The following RPTOR variants were observed in gnomAD, a reference collection of about 807,000 sequenced individuals.
RPTOR encodes regulatory associated protein of MTOR complex 1, also known as regulatory-associated protein of mTOR.
Under a neutral mutation model 169.9 loss-of-function variants are expected in RPTOR, and 21 were observed. That is an observed-to-expected ratio of 0.12 (90% CI 0.09 to 0.18). The LOEUF is 0.18. RPTOR is among the 10% of genes least tolerant of loss of function. RPTOR has a pLI of 1.00. For synonymous variants in RPTOR, 732 were observed against 753.2 expected, an observed-to-expected ratio of 0.97 and a Z score of 0.46; for missense variants, 1,133 against 1,855.9, an observed-to-expected ratio of 0.61 and a Z score of 7.16.
At chr17:80,940,951 G>A (rs908237) in intron 25 of RPTOR, among the ~76,000 whole-genome samples, 34,278 of 152,156 alleles carry the variant, frequency 0.23, 3,997 homozygotes, top group African/African-American at 0.26. Flanking sequence ...TCATGGAGGC[G>A]GAACTTTGCA....
intron 1 of RPTOR, among the ~76,000 whole-genome samples, chr17:80,594,604 T>C (rs1022428236): frequency 6.6e-6 from 1 of 152,234 alleles, no homozygotes; most frequent in Non-Finnish European, 1.5e-5. Context: ...TCAGAACATA[T>C]GTGCTCTGTG....
chr17:80,887,449 G>T, intron 17 of RPTOR, among the ~76,000 whole-genome samples: 1 of 152,130 alleles, frequency 6.6e-6, no homozygotes, highest in East Asian at 1.9e-4. Context: ...ATCACAGCTG[G>T]TTTTCTCTTC....
intron 20 of RPTOR, among the ~76,000 whole-genome samples, chr17:80,906,168 G>A (rs998903216): frequency 4.1e-4 from 63 of 152,126 alleles, no homozygotes; most frequent in African/African-American, 1.4e-3. Context: ...GGCCTGTCGC[G>A]GGAGGGAATT....
intron 3 of RPTOR, among the ~76,000 whole-genome samples, chr17:80,663,485 A>G (rs2065740239): frequency 6.6e-6 from 1 of 152,174 alleles, no homozygotes; most frequent in Non-Finnish European, 1.5e-5. Flanking sequence ...AAGCGTAGGC[A>G]TCAGTGAGCT....
At chr17:80,680,652 AC>A (rs1425246888) in intron 3 of RPTOR, among the ~76,000 whole-genome samples, 11 of 151,524 alleles carry the variant, frequency 7.3e-5, no homozygotes, top group Admixed American at 7.2e-4. Flanking sequence ...ACAGACAAAA[AC>A]TCAGAACCAT....
intron 13 of RPTOR, among the ~76,000 whole-genome samples, chr17:80,866,545 C>A (rs752484652): frequency 1.3e-5 from 2 of 152,160 alleles, no homozygotes; most frequent in African/African-American, 2.4e-5. Context: ...TGAAACACCA[C>A]CCTGACTGAT....
chr17:80,631,718 A>T (rs577566974), intron 2 of RPTOR, among the ~76,000 whole-genome samples: 3 of 152,352 alleles, frequency 2.0e-5, no homozygotes, highest in African/African-American at 7.2e-5. Flanking sequence ...ACTACAAATT[A>T]TTCTCAGCCT....
chr17:80,766,935 T>C (rs1229272133), intron 6 of RPTOR, among the ~76,000 whole-genome samples: 4 of 152,122 alleles, frequency 2.6e-5, no homozygotes, highest in African/African-American at 4.8e-5. Context: ...TTGTAAAAAT[T>C]CATGAAACTA....
intron 7 of RPTOR, among the ~76,000 whole-genome samples, chr17:80,793,226 T>C (rs1170686232): frequency 6.6e-6 from 1 of 152,192 alleles, no homozygotes; most frequent in East Asian, 1.9e-4. Flanking sequence ...ACTTAACTGG[T>C]AAGTATAATG....
chr17:80,662,773 G>A (rs1264956933), intron 3 of RPTOR, among the ~76,000 whole-genome samples: 3 of 152,142 alleles, frequency 2.0e-5, no homozygotes, highest in Non-Finnish European at 2.9e-5. Flanking sequence ...CAGAATTCAG[G>A]CCCCTCACAT....
chr17:80,944,864 G>T lies in RPTOR; in HGVS notation c.3026-803G>T, dbSNP rs28483810. ...AAATTAGCTGGGCGTGGTGGCGGAT[G>T]CCTGTAATCCCAGCGACTCAGGAGG... On this transcript the variant is annotated intron_variant, in intron 25 of 33. Coordinates refer to ENST00000306801, the MANE Select transcript of RPTOR (RefSeq NM_020761.3). Among the ~76,000 whole-genome samples, 408 of 152,116 alleles carry T rather than the reference G, an allele frequency of 2.7e-3. 5 individuals are homozygous for T. Among genetic ancestry groups the T allele is most frequent in the African/African-American group, 9.3e-3 (387 of 41,498 alleles).
At chr17:80,852,099 G>A (rs1243163376) in intron 11 of RPTOR, among the ~76,000 whole-genome samples, 1 of 152,156 alleles carries the variant, frequency 6.6e-6, no homozygotes, top group African/African-American at 2.4e-5. Context: ...TTGGGTGGTG[G>A]AGACATCTGG....
rs190525646 is a variant in RPTOR, at chr17:80,936,191, C to G, written c.2920-4305C>G. Among the ~76,000 whole-genome samples, 22 of 152,310 alleles carry G rather than the reference C, an allele frequency of 1.4e-4. No individual in the cohort carries two copies. Among genetic ancestry groups the G allele is most frequent in the Admixed American group, 5.2e-4 (8 of 15,304 alleles). On this transcript the variant is annotated intron_variant, in intron 24 of 33. Transcript: ENST00000306801. The surrounding 1 kb of genome is among the most constrained non-coding windows in gnomAD (Gnocchi z 4.1). ...ACACACCTGTTAGAATGTCTCGAATCTTAAAATCTACCAAGTGTTGGCAAG... is the reference window on the plus strand; with the variant it reads ...ACACACCTGTTAGAATGTCTCGAATGTTAAAATCTACCAAGTGTTGGCAAG...
intron 28 of RPTOR, among the ~76,000 whole-genome samples, chr17:80,950,586 C>G (rs1236476093): frequency 6.6e-6 from 1 of 152,172 alleles, no homozygotes; most frequent in Non-Finnish European, 1.5e-5. Context: ...GGGGCCCTTT[C>G]CTGTTGCTTC....
At chr17:80,890,182 T>C (rs2068302868) in intron 17 of RPTOR, among the ~76,000 whole-genome samples, 1 of 152,212 alleles carries the variant, frequency 6.6e-6, no homozygotes, top group Non-Finnish European at 1.5e-5. Context: ...TGGCCCCTGT[T>C]GGCCTCCCCT....
intron 20 of RPTOR, among the ~76,000 whole-genome samples, chr17:80,898,863 C>T (rs1432626284): frequency 6.6e-6 from 1 of 151,900 alleles, no homozygotes; most frequent in Non-Finnish European, 1.5e-5. Flanking sequence ...GCGGTCCAGC[C>T]ACAATGACAG....
chr17:80,739,404 A>AT (rs1485759137), intron 5 of RPTOR, among the ~76,000 whole-genome samples: 1 of 152,078 alleles, frequency 6.6e-6, no homozygotes, highest in Admixed American at 6.5e-5. Context: ...GGAAACAGGC[A>AT]TAGAGATCAG....
At chr17:80,745,443 G>A (rs544779922) in intron 5 of RPTOR, among the ~76,000 whole-genome samples, 222 of 152,282 alleles carry the variant, frequency 1.5e-3, no homozygotes, top group African/African-American at 5.1e-3. Flanking sequence ...ATAGTTGCCA[G>A]CAATAGGCGC....
chr17:80,577,437 C>T (rs2064974134), intron 1 of RPTOR, among the ~76,000 whole-genome samples: 1 of 152,086 alleles, frequency 6.6e-6, no homozygotes, highest in African/African-American at 2.4e-5. Context: ...GCCACCACAC[C>T]TGGCAAGTTT....
Sources: allele counts gnomAD v4.1 joint callset (sites outside exome capture counted in the v4.1 genomes callset), GRCh38; gene constraint gnomAD v4.1.1; non-coding constraint Gnocchi (gnomAD v3.1); transcripts MANE v1.5; gene names NCBI Gene and HGNC (gene_info 2026-07-23, HGNC 2026-07-21).